The following GSTCD variants were observed in gnomAD, a reference collection of about 807,000 sequenced individuals.
GSTCD encodes glutathione S-transferase C-terminal domain containing.
Under a neutral mutation model 68.3 loss-of-function variants are expected in GSTCD, and 44 were observed. The observed-to-expected ratio is 0.64, with a 90% CI of 0.51 to 0.83. The LOEUF (loss-of-function observed/expected upper bound fraction) is 0.83, where lower values mean the gene tolerates loss of function less well. GSTCD is among the 40% of genes least tolerant of loss of function. The probability of loss-of-function intolerance (pLI) is 0.00; values close to 1 mark genes in which losing one functional copy is unlikely to be tolerated. For missense variants in GSTCD, 739 were observed against 735.9 expected, an observed-to-expected ratio of 1.00 and a Z score of -0.05; for synonymous variants, 273 against 255.2, an observed-to-expected ratio of 1.07 and a Z score of -0.67.
At chr4:105,709,925 G>C (rs1578399489) in intron 1 of GSTCD, among the ~76,000 whole-genome samples, 1 of 151,896 alleles carries the variant, frequency 6.6e-6, no homozygotes, top group African/African-American at 2.4e-5. Flanking sequence ...ACACAACTAA[G>C]TGATTCGCTG....
At chr4:105,801,162 T>A (rs1300598815) in intron 5 of GSTCD, among the ~76,000 whole-genome samples, 1 of 152,160 alleles carries the variant, frequency 6.6e-6, no homozygotes, top group African/African-American at 2.4e-5. Flanking sequence ...AAGATAGTCA[T>A]CTTGTTCCAC....
intron 5 of GSTCD, among the ~76,000 whole-genome samples, chr4:105,756,083 C>A (rs1274089028): frequency 6.6e-6 from 1 of 152,132 alleles, no homozygotes; most frequent in Non-Finnish European, 1.5e-5. Context: ...ATAAAGGATA[C>A]AGATGAACAA....
rs1469112339 is a variant in GSTCD at position 105,806,819 on chromosome 4, T to C, written c.1241-16135T>C. On this transcript the variant is annotated intron_variant, in intron 5 of 11. Transcript: ENST00000515279. ...ACCAACATATCTGTTTCTATGTCCATACGCTATAGGCCCTCCGATCCTATT... is the reference window on the plus strand; with the variant it reads ...ACCAACATATCTGTTTCTATGTCCACACGCTATAGGCCCTCCGATCCTATT... Among the ~76,000 whole-genome samples the C allele has an allele frequency of 7.2e-5, 11 of 152,276 alleles. No individual in the cohort carries two copies. In the East Asian group the frequency reaches 1.9e-3, roughly 27 times the overall value.
At chr4:105,743,760 G>A (rs1027529451) in intron 5 of GSTCD, among the ~76,000 whole-genome samples, 50 of 144,452 alleles carry the variant, frequency 3.5e-4, no homozygotes, top group Admixed American at 2.7e-3. Flanking sequence ...CCAGATTCAC[G>A]CTGTTCTCCT....
chr4:105,787,199 T>C (rs1004755819), intron 5 of GSTCD, among the ~76,000 whole-genome samples: 11 of 152,062 alleles, frequency 7.2e-5, no homozygotes, highest in Non-Finnish European at 1.5e-4. Context: ...TCCCATACTT[T>C]CCATGCATGA....
At chr4:105,813,492 T>C (rs899191520) in intron 5 of GSTCD, among the ~76,000 whole-genome samples, 3 of 152,204 alleles carry the variant, frequency 2.0e-5, no homozygotes, top group African/African-American at 7.2e-5. Context: ...ATGTGAAACA[T>C]AAATAAATTA....
chr4:105,816,758 A>G (rs1045201756), intron 5 of GSTCD, among the ~76,000 whole-genome samples: 6 of 152,064 alleles, frequency 3.9e-5, no homozygotes, highest in African/African-American at 1.4e-4. Flanking sequence ...TAAGACAGAC[A>G]TAACAGATCA....
intron 11 of GSTCD, among the ~76,000 whole-genome samples, chr4:105,843,781 TCAAATGATAGCAATC>T (rs1724446328): frequency 6.6e-6 from 1 of 151,930 alleles, no homozygotes. Flanking sequence ...GAGGACACAT[TCAAATGATAGCAATC>T]CAATGAAGAC....
intron 10 of GSTCD, among the ~76,000 whole-genome samples, chr4:105,839,858 A>C (rs1296261654): frequency 1.3e-5 from 2 of 152,190 alleles, no homozygotes; most frequent in Admixed American, 6.5e-5. Flanking sequence ...GCTAGAAAAG[A>C]ATGTAAAATT....
chr4:105,845,201 A>C (rs1724500702), intron 11 of GSTCD, among the ~76,000 whole-genome samples: 1 of 152,244 alleles, frequency 6.6e-6, no homozygotes, highest in South Asian at 2.1e-4. Context: ...AATACATCTG[A>C]AAAGGTTAAC....
At chr4:105,763,665 TATAAAC>T (rs1734497750) in intron 5 of GSTCD, among the ~76,000 whole-genome samples, 1 of 152,188 alleles carries the variant, frequency 6.6e-6, no homozygotes, top group Non-Finnish European at 1.5e-5. Flanking sequence ...AAGGAGTAAT[TATAAAC>T]ATAACACAGT....
At chr4:105,751,923 C>T (rs1734022513) in intron 5 of GSTCD, among the ~76,000 whole-genome samples, 1 of 152,146 alleles carries the variant, frequency 6.6e-6, no homozygotes, top group Non-Finnish European at 1.5e-5. Flanking sequence ...AGTTGTATAA[C>T]ATACTATTAC....
At chr4:105,807,525 TCTTAA>T (rs1204211186) in intron 5 of GSTCD, among the ~76,000 whole-genome samples, 1 of 152,224 alleles carries the variant, frequency 6.6e-6, no homozygotes. Flanking sequence ...GTTTTGTCTT[TCTTAA>T]CTTTAACATT....
Position 105,729,408 on chromosome 4 carries a change from A to C in GSTCD, c.1149A>C (p.Glu383Asp). 1 of 1,595,266 alleles carries C rather than the reference A, an allele frequency of 6.3e-7. No homozygotes were observed. Among genetic ancestry groups the C allele is most frequent in the Non-Finnish European group, 8.6e-7 (1 of 1,166,604 alleles). The change falls in exon 5 of 12, where the codon GAA (glutamate) becomes GAC (aspartate). Residue 383 changes from glutamate to aspartate, a missense_variant and splice_region_variant. Physicochemically the swap from Glu to Asp is conservative, Grantham distance 45. Coordinates refer to ENST00000515279, the MANE Select transcript of GSTCD (RefSeq NM_001370181.1). ...GPRPTMAKLM[E>D]KGIEVMFSPH... ...AAAGAGGCTATTTCCTTTTCTAGGAAAAGGGCATTGAAGTGATGTTTTCTC... is the reference window on the plus strand; with the variant it reads ...AAAGAGGCTATTTCCTTTTCTAGGACAAGGGCATTGAAGTGATGTTTTCTC...
intron 5 of GSTCD, among the ~76,000 whole-genome samples, chr4:105,766,237 A>C (rs372380989): frequency 6.6e-6 from 1 of 152,226 alleles, no homozygotes; most frequent in Non-Finnish European, 1.5e-5. Flanking sequence ...AGCTGAGGTC[A>C]TGTGGCAAAA....
intron 5 of GSTCD, among the ~76,000 whole-genome samples, chr4:105,729,841 C>A (rs533360520): frequency 6.6e-6 from 1 of 152,164 alleles, no homozygotes; most frequent in African/African-American, 2.4e-5. Context: ...TGTGCTGCAC[C>A]CATTAACTCA....
chr4:105,765,402 A>C (rs6836211), intron 5 of GSTCD, among the ~76,000 whole-genome samples: 16 of 152,196 alleles, frequency 1.1e-4, no homozygotes, highest in African/African-American at 3.4e-4. Context: ...ACCACTCTCA[A>C]GCACTCAATG....
At chr4:105,825,321 G>A (rs1348667282) in intron 7 of GSTCD, among the ~76,000 whole-genome samples, 1 of 152,096 alleles carries the variant, frequency 6.6e-6, no homozygotes, top group Non-Finnish European at 1.5e-5. Context: ...GTAGAGACGG[G>A]GTTTCACCAT....
At chr4:105,826,276 A>G (rs925333595) in intron 8 of GSTCD, among the ~76,000 whole-genome samples, 2 of 152,122 alleles carry the variant, frequency 1.3e-5, no homozygotes, top group Non-Finnish European at 2.9e-5. Context: ...AAGTATATTG[A>G]TCATGTTTCT....
Sources: gnomAD v4.1 joint callset for allele counts (sites outside exome capture counted in the v4.1 genomes callset) on GRCh38, gnomAD v4.1.1 for gene constraint, MANE v1.5 for transcripts, NCBI Gene and HGNC (gene_info 2026-07-23, HGNC 2026-07-21) for gene names.